CCDC195: variants seen among roughly 807,000 people sequenced by gnomAD.
CCDC195 encodes coiled-coil domain-containing protein 195.
chr2:224,704,164 T>C (rs1244852443), intron 2 of CCDC195, among the ~76,000 whole-genome samples: 1 of 152,234 alleles, frequency 6.6e-6, no homozygotes, highest in Non-Finnish European at 1.5e-5. Flanking sequence ...ATTAGTTTGA[T>C]GTTCAAAGTG....
intron 2 of CCDC195, among the ~76,000 whole-genome samples, chr2:224,704,610 C>CTT (rs55801561): frequency 2.3e-4 from 25 of 110,620 alleles, no homozygotes; most frequent in Admixed American, 3.2e-4. Flanking sequence ...CTTTTCTTTT[C>CTT]TTTTTTTTTT....
intron 1 of CCDC195, among the ~76,000 whole-genome samples, chr2:224,712,663 C>T (rs967223468): frequency 6.6e-5 from 10 of 152,170 alleles, no homozygotes; most frequent in Non-Finnish European, 8.8e-5. Flanking sequence ...CTTCCAGGTC[C>T]TCTTTAATTA....
chr2:224,710,296 T>C (rs996594419), intron 1 of CCDC195, 77 bp from the exon 2 acceptor site: 3 of 397,716 alleles, frequency 7.5e-6, no homozygotes, highest in African/African-American at 6.2e-5. Flanking sequence ...GATAGAATTT[T>C]ATTGAAACTA....
intron 2 of CCDC195, among the ~76,000 whole-genome samples, chr2:224,705,045 C>CA (rs1215479640): frequency 1.3e-5 from 2 of 152,120 alleles, no homozygotes; most frequent in African/African-American, 4.8e-5. Flanking sequence ...TTACTCTTCA[C>CA]AAAAACTATG....
chr2:224,708,974 G>A (rs1689270155), intron 2 of CCDC195, among the ~76,000 whole-genome samples: 1 of 152,022 alleles, frequency 6.6e-6, no homozygotes, highest in Non-Finnish European at 1.5e-5. Flanking sequence ...AGATAAATTA[G>A]GCTTGATGTT....
At chr2:224,707,746 C>T (rs756118959) in intron 2 of CCDC195, among the ~76,000 whole-genome samples, 5 of 152,132 alleles carry the variant, frequency 3.3e-5, no homozygotes, top group Non-Finnish European at 5.9e-5. Context: ...AGCACACCCT[C>T]AGGATATATT....
intron 2 of CCDC195, among the ~76,000 whole-genome samples, chr2:224,707,479 C>T (rs1689229115): frequency 6.6e-6 from 1 of 152,186 alleles, no homozygotes; most frequent in Admixed American, 6.5e-5. Flanking sequence ...GACTCACTCT[C>T]TCTCTCCCTT....
At chr2:224,706,899 A>G (rs1697246625) in intron 2 of CCDC195, among the ~76,000 whole-genome samples, 1 of 148,614 alleles carries the variant, frequency 6.7e-6, no homozygotes, top group Admixed American at 6.8e-5. Flanking sequence ...GTATATATAT[A>G]TATATATACA....
chr2:224,708,465 G>A lies in CCDC195; in HGVS notation c.482+1508C>T, dbSNP rs1281519913. Among the ~76,000 whole-genome samples the A allele has an allele frequency of 5.3e-5, 8 of 151,728 alleles. No individual in the cohort carries two copies. In the East Asian group the frequency reaches 9.7e-4, roughly 18 times the overall value. On this transcript the variant is annotated intron_variant, in intron 2 of 2. Transcript: ENST00000638102. ...CTTCTTCTATCCTCATGTCTGTTTC[G>A]TTCTACCTGGGATGACCTTTCCATT...
At chr2:224,710,490 T>G (rs1177588970) in intron 1 of CCDC195, among the ~76,000 whole-genome samples, 1 of 152,056 alleles carries the variant, frequency 6.6e-6, no homozygotes, top group Non-Finnish European at 1.5e-5. Context: ...ATACAGAAAT[T>G]AGCCAGGCGT....
chr2:224,712,377 C>T (rs1396089742), intron 1 of CCDC195, among the ~76,000 whole-genome samples: 5 of 152,216 alleles, frequency 3.3e-5, no homozygotes, highest in Non-Finnish European at 5.9e-5. Context: ...CGGGAAACAT[C>T]TCTGAAAGCA....
chr2:224,713,205 A>G (rs955395777), intron 1 of CCDC195, among the ~76,000 whole-genome samples: 2 of 152,178 alleles, frequency 1.3e-5, no homozygotes, highest in African/African-American at 4.8e-5. Flanking sequence ...CTATGATTCA[A>G]TTAATTGTAA....
chr2:224,706,376 T>C (rs1697241012), intron 2 of CCDC195, among the ~76,000 whole-genome samples: 1 of 151,170 alleles, frequency 6.6e-6, no homozygotes, highest in Admixed American at 6.6e-5. Context: ...GGCTAAGTTT[T>C]GTATTTTTAG....
intron 1 of CCDC195, among the ~76,000 whole-genome samples, chr2:224,713,553 A>C (rs760495785): frequency 1.3e-5 from 2 of 152,194 alleles, no homozygotes; most frequent in Non-Finnish European, 2.9e-5. Context: ...TAAGATCAGA[A>C]AGTTTATGTG....
chr2:224,708,473 T>C (rs889171618), intron 2 of CCDC195, among the ~76,000 whole-genome samples: 4 of 152,228 alleles, frequency 2.6e-5, no homozygotes, highest in Admixed American at 2.6e-4. Flanking sequence ...TCGTTCTACC[T>C]GGGATGACCT....
At chr2:224,706,799 C>T (rs941458580) in intron 2 of CCDC195, among the ~76,000 whole-genome samples, 3 of 151,582 alleles carry the variant, frequency 2.0e-5, no homozygotes, top group East Asian at 1.9e-4. Flanking sequence ...CATGAGCCAC[C>T]GCGACCGACA....
intron 2 of CCDC195, among the ~76,000 whole-genome samples, chr2:224,706,510 T>TC (rs1491142373): frequency 2.2e-5 from 2 of 92,906 alleles, no homozygotes; most frequent in Non-Finnish European, 5.0e-5. Flanking sequence ...TGGCTGTAAC[T>TC]TTTTTTTTTT....
intron 2 of CCDC195, among the ~76,000 whole-genome samples, chr2:224,708,699 A>G (rs1689261081): frequency 6.6e-6 from 1 of 152,168 alleles, no homozygotes; most frequent in South Asian, 2.1e-4. Context: ...GCTTATGGTT[A>G]TCTCTTGATT....
intron 2 of CCDC195, among the ~76,000 whole-genome samples, chr2:224,705,583 C>T (rs998555362): frequency 2.6e-5 from 4 of 152,070 alleles, no homozygotes; most frequent in Non-Finnish European, 4.4e-5. Context: ...TTGTAAAATG[C>T]TTTGAAAGCT....
Sources: gnomAD v4.1 joint callset for allele counts (sites outside exome capture counted in the v4.1 genomes callset) on GRCh38, gnomAD v4.1.1 for gene constraint, MANE v1.5 for transcripts, NCBI Gene and HGNC (gene_info 2026-07-23, HGNC 2026-07-21) for gene names.